The following THSD7A variants were observed in gnomAD, a reference collection of about 807,000 sequenced individuals.
THSD7A encodes thrombospondin type-1 domain-containing protein 7A.
Under a neutral mutation model 231.3 loss-of-function variants are expected in THSD7A, and 96 were observed. The ratio of observed to expected loss-of-function variants is 0.41; its 90% confidence interval spans 0.35 to 0.49. The LOEUF is 0.49. Among genes scored for constraint, THSD7A ranks in the 20% least tolerant of loss-of-function variants. The pLI is 0.05. For missense variants in THSD7A, 2,290 were observed against 2,070.2 expected (o/e 1.11, Z -2.06); for synonymous variants, 940 against 743.3 (o/e 1.26, Z -4.30).
At chr7:11,554,144 C>T (rs1009120868) in intron 4 of THSD7A, among the ~76,000 whole-genome samples, 1 of 151,868 alleles carries the variant, frequency 6.6e-6, no homozygotes, top group African/African-American at 2.4e-5. Flanking sequence ...GTATAGTGTT[C>T]CTGCAAACTT....
intron 6 of THSD7A, among the ~76,000 whole-genome samples, chr7:11,527,468 G>C (rs996662089): frequency 3.3e-5 from 5 of 152,030 alleles, no homozygotes; most frequent in African/African-American, 1.2e-4. Flanking sequence ...GCTTTTGTAA[G>C]GACAGTTGAT....
intron 4 of THSD7A, among the ~76,000 whole-genome samples, chr7:11,566,573 C>G (rs986971985): frequency 6.6e-6 from 1 of 152,192 alleles, no homozygotes. Context: ...ATGCCATGTA[C>G]ATTCCAGAAC....
chr7:11,766,996 T>C (rs1783051167), intron 1 of THSD7A, among the ~76,000 whole-genome samples: 1 of 152,078 alleles, frequency 6.6e-6, no homozygotes, highest in African/African-American at 2.4e-5. Context: ...AAAATGCAAA[T>C]TGAAATGGTT....
At chr7:11,758,010 C>CATATATATATATATATAT (rs3037680) in intron 1 of THSD7A, among the ~76,000 whole-genome samples, 5 of 142,818 alleles carry the variant, frequency 3.5e-5, no homozygotes, top group Admixed American at 7.1e-5. Context: ...CATATGCATT[C>CATATATATATATATATAT]ATATATATAT....
At chr7:11,429,499 A>G (rs776374567) in intron 13 of THSD7A, among the ~76,000 whole-genome samples, 2 of 152,222 alleles carry the variant, frequency 1.3e-5, no homozygotes, top group Non-Finnish European at 1.5e-5. Context: ...CTATCTGTTA[A>G]TGTCACACAA....
intron 1 of THSD7A, among the ~76,000 whole-genome samples, chr7:11,752,999 T>G (rs1489134866): frequency 1.3e-5 from 2 of 152,124 alleles, no homozygotes; most frequent in African/African-American, 4.8e-5. Flanking sequence ...AGTTCAATTT[T>G]GTGTAAATCT....
intron 1 of THSD7A, among the ~76,000 whole-genome samples, chr7:11,751,892 T>C (rs999110542): frequency 1.3e-5 from 2 of 152,024 alleles, no homozygotes; most frequent in African/African-American, 4.8e-5. Context: ...GACTGATGAG[T>C]TTACTTACTC....
At chr7:11,540,897 G>A (rs1370174969) in intron 6 of THSD7A, among the ~76,000 whole-genome samples, 2 of 152,158 alleles carry the variant, frequency 1.3e-5, no homozygotes, top group Non-Finnish European at 2.9e-5. Context: ...GAGAGCAAAA[G>A]GTCGGTTCAG....
chr7:11,394,677 T>G (rs946015363), intron 23 of THSD7A, among the ~76,000 whole-genome samples: 1 of 152,196 alleles, frequency 6.6e-6, no homozygotes, highest in African/African-American at 2.4e-5. Flanking sequence ...CAGATTGTGT[T>G]TGCTCCAGGC....
chr7:11,572,172 G>T (rs1562731923), intron 4 of THSD7A, among the ~76,000 whole-genome samples: 1 of 151,690 alleles, frequency 6.6e-6, no homozygotes, highest in Non-Finnish European at 1.5e-5. Context: ...TCCCCACCTT[G>T]GCCTCCCAAA....
At position 11,832,142 on chromosome 7, in the gene THSD7A, C is replaced by T; in HGVS notation, c.-196G>A. 1 of 314,700 alleles carries T rather than the reference C, an allele frequency of 3.2e-6. No individual in the cohort carries two copies. Among genetic ancestry groups the T allele is most frequent in the Non-Finnish European group, 5.7e-6 (1 of 175,862 alleles). 19.5% of individuals were successfully genotyped at this position (314,700 alleles called of 1,614,324 possible). A position where few individuals can be genotyped will look rare whatever the true frequency, so the allele number is the denominator to read the frequency against. On this transcript the variant is annotated 5_prime_UTR_variant, in exon 1 of 28. Coordinates refer to ENST00000423059, the MANE Select transcript of THSD7A (RefSeq NM_015204.3). ...CCGCGGTGGTGGCCGTGGCCGCTGC[C>T]GCCGCCGCCGCCGCCTCTGGCGGGG...
intron 6 of THSD7A, among the ~76,000 whole-genome samples, chr7:11,533,228 A>G (rs1188905606): frequency 6.6e-6 from 1 of 152,342 alleles, no homozygotes; most frequent in East Asian, 1.9e-4. Flanking sequence ...CCTCTGGCCT[A>G]ATTTCTGTGG....
At chr7:11,516,756 A>G (rs902702953) in intron 6 of THSD7A, among the ~76,000 whole-genome samples, 37 of 152,214 alleles carry the variant, frequency 2.4e-4, no homozygotes, top group African/African-American at 8.9e-4. Context: ...TTATTTGAAA[A>G]TAAGGATATA....
chr7:11,497,394 G>T (rs1249228681), intron 6 of THSD7A, among the ~76,000 whole-genome samples: 4 of 151,916 alleles, frequency 2.6e-5, no homozygotes, highest in Non-Finnish European at 5.9e-5. Context: ...ATATTTTGGT[G>T]CATCTGTCAA....
intron 2 of THSD7A, among the ~76,000 whole-genome samples, chr7:11,603,405 T>A (rs1343377648): frequency 6.6e-6 from 1 of 152,034 alleles, no homozygotes; most frequent in African/African-American, 2.4e-5. Context: ...TGTAGAGAAA[T>A]AGGCACACTT....
intron 17 of THSD7A, among the ~76,000 whole-genome samples, chr7:11,413,580 G>A (rs919294156): frequency 5.9e-5 from 9 of 152,160 alleles, no homozygotes; most frequent in Admixed American, 1.3e-4. Context: ...CTGGGTTTTC[G>A]GGGTGAGCTA....
chr7:11,774,711 G>C (rs1439555283), intron 1 of THSD7A, among the ~76,000 whole-genome samples: 3 of 152,122 alleles, frequency 2.0e-5, no homozygotes, highest in African/African-American at 2.4e-5. Context: ...CATACAATTA[G>C]CTTTGCCTTT....
chr7:11,402,790 G>A (rs1783450848), intron 22 of THSD7A, among the ~76,000 whole-genome samples: 1 of 152,080 alleles, frequency 6.6e-6, no homozygotes, highest in South Asian at 2.1e-4. Flanking sequence ...ATACATTTAT[G>A]AAGTTCTAAT....
intron 2 of THSD7A, among the ~76,000 whole-genome samples, chr7:11,604,028 TAA>T (rs555504174): frequency 4.3e-5 from 6 of 138,196 alleles, no homozygotes; most frequent in Non-Finnish European, 9.5e-5. Flanking sequence ...TAAAGTATAA[TAA>T]AAAAAAAATG....
Sources: allele counts gnomAD v4.1 joint callset (sites outside exome capture counted in the v4.1 genomes callset), GRCh38; gene constraint gnomAD v4.1.1; transcripts MANE v1.5; gene names NCBI Gene and HGNC (gene_info 2026-07-23, HGNC 2026-07-21).